GMDS: variants seen among roughly 807,000 people sequenced by gnomAD.
The protein encoded by GMDS is GDP-mannose 4,6-dehydratase.
GMDS carries 20 observed loss-of-function variants against 49.9 expected under a neutral mutation model. The observed-to-expected ratio is 0.40, with a 90% CI of 0.28 to 0.58. The LOEUF is 0.58. GMDS is among the 20% of genes least tolerant of loss of function. The pLI, the probability that GMDS is intolerant of heterozygous loss-of-function variation, is 0.42. For missense variants in GMDS, 362 were observed against 481.4 expected (o/e 0.75, Z 2.32); for synonymous variants, 177 against 178.6 (o/e 0.99, Z 0.07).
At chr6:2,187,347 C>A (rs1778822562) in intron 1 of GMDS, among the ~76,000 whole-genome samples, 1 of 152,206 alleles carries the variant, frequency 6.6e-6, no homozygotes, top group African/African-American at 2.4e-5. Context: ...AGCAAATGTT[C>A]ATATTTCTCT....
chr6:1,819,114 T>G (rs1430887948), intron 7 of GMDS, among the ~76,000 whole-genome samples: 1 of 152,034 alleles, frequency 6.6e-6, no homozygotes, highest in Non-Finnish European at 1.5e-5. Context: ...AGAACATGCC[T>G]TCCTATTCTA....
chr6:1,907,943 C>T (rs574686246), intron 7 of GMDS, among the ~76,000 whole-genome samples: 16 of 152,132 alleles, frequency 1.1e-4, no homozygotes, highest in Non-Finnish European at 2.1e-4. Context: ...TACATATCCA[C>T]GATAAATCGT....
At chr6:2,195,521 T>C (rs949980078) in intron 1 of GMDS, among the ~76,000 whole-genome samples, 3 of 152,202 alleles carry the variant, frequency 2.0e-5, no homozygotes, top group Non-Finnish European at 4.4e-5. Context: ...TTTATCCTAA[T>C]GTAAGTGGAA....
chr6:1,787,863 T>G (rs1330303688), intron 7 of GMDS, among the ~76,000 whole-genome samples: 1 of 152,186 alleles, frequency 6.6e-6, no homozygotes, highest in Non-Finnish European at 1.5e-5. Flanking sequence ...GGCAAATGCA[T>G]CATTTTTCAA....
chr6:1,818,310 A>G (rs779980726), intron 7 of GMDS, among the ~76,000 whole-genome samples: 7 of 152,036 alleles, frequency 4.6e-5, no homozygotes, highest in African/African-American at 9.7e-5. Flanking sequence ...TTTTCTAAAT[A>G]AAAGTTTTCT....
chr6:1,774,810 T>A (rs1768729224), intron 7 of GMDS, among the ~76,000 whole-genome samples: 1 of 152,150 alleles, frequency 6.6e-6, no homozygotes, highest in South Asian at 2.1e-4. Context: ...ATTGAATCAG[T>A]GTGGCATGTA....
chr6:2,011,962 G>T (rs1377322129), intron 4 of GMDS, among the ~76,000 whole-genome samples: 2 of 152,122 alleles, frequency 1.3e-5, no homozygotes, highest in African/African-American at 4.8e-5. Context: ...GTCTTTTCTA[G>T]CAATGTGTAT....
At chr6:2,145,731 A>G (rs903810084) in intron 1 of GMDS, among the ~76,000 whole-genome samples, 3 of 152,220 alleles carry the variant, frequency 2.0e-5, no homozygotes, top group Non-Finnish European at 2.9e-5. Flanking sequence ...ACTGTATTAT[A>G]TAAGTAATCT....
intron 4 of GMDS, among the ~76,000 whole-genome samples, chr6:2,069,289 C>T (rs529445160): frequency 2.1e-3 from 315 of 152,252 alleles, no homozygotes; most frequent in African/African-American, 7.4e-3. Flanking sequence ...AAGACTTAAA[C>T]GTTAGATCTA....
intron 4 of GMDS, among the ~76,000 whole-genome samples, chr6:1,989,360 A>G (rs977099204): frequency 6.6e-6 from 1 of 152,186 alleles, no homozygotes; most frequent in African/African-American, 2.4e-5. Context: ...CAGAACAGCT[A>G]GGCTGGTATG....
At chr6:1,831,961 A>G (rs982545126) in intron 7 of GMDS, among the ~76,000 whole-genome samples, 2 of 152,154 alleles carry the variant, frequency 1.3e-5, no homozygotes, top group Non-Finnish European at 2.9e-5. Context: ...TTTTAGAACA[A>G]AAAACCATAA....
intron 1 of GMDS, among the ~76,000 whole-genome samples, chr6:2,173,015 T>C (rs2127555957): frequency 6.6e-6 from 1 of 152,258 alleles, no homozygotes; most frequent in East Asian, 1.9e-4. Context: ...CTGTACACAA[T>C]GCCGTGTTCT....
chr6:2,014,399 G>C (rs1287454381), intron 4 of GMDS, among the ~76,000 whole-genome samples: 1 of 152,054 alleles, frequency 6.6e-6, no homozygotes, highest in Non-Finnish European at 1.5e-5. Context: ...ATATGGATAA[G>C]TGAAAAGAAG....
At position 1,849,594 on chromosome 6, in the gene GMDS, G is replaced by C. The variant is rs142715857; in HGVS notation, c.771+80509C>G. Among the ~76,000 whole-genome samples, 702 of 152,346 alleles carry C rather than the reference G, an allele frequency of 4.6e-3. 3 individuals carry two copies. Among genetic ancestry groups the C allele is most frequent in the African/African-American group, 0.016 (663 of 41,558 alleles). On this transcript the variant is annotated intron_variant, in intron 7 of 10. Coordinates refer to ENST00000380815, the MANE Select transcript of GMDS (RefSeq NM_001500.4). Reference sequence around the variant, plus strand: ...TTTGGGAATAACCTGTGAATACCCAGTAAATGTACTTAAGTTATGTGGAAT... The same window carrying C: ...TTTGGGAATAACCTGTGAATACCCACTAAATGTACTTAAGTTATGTGGAAT...
chr6:1,739,414 CTCTG>C (rs1398136034), intron 8 of GMDS, among the ~76,000 whole-genome samples: 111 of 152,362 alleles, frequency 7.3e-4, no homozygotes, highest in Middle Eastern at 3.4e-3. Context: ...CATGGGCTGT[CTCTG>C]TCTGTCTTGG....
At chr6:1,984,823 C>A (rs1342995777) in intron 4 of GMDS, among the ~76,000 whole-genome samples, 1 of 152,132 alleles carries the variant, frequency 6.6e-6, no homozygotes, top group Non-Finnish European at 1.5e-5. Flanking sequence ...ACTCTCTGTA[C>A]AGCAATGATG....
At chr6:1,916,691 G>A (rs778371853) in intron 7 of GMDS, among the ~76,000 whole-genome samples, 7 of 152,186 alleles carry the variant, frequency 4.6e-5, no homozygotes, top group Admixed American at 6.5e-5. Context: ...ACAATACCAC[G>A]CGCAATTAAA....
intron 4 of GMDS, among the ~76,000 whole-genome samples, chr6:1,962,393 CT>C (rs1342136813): frequency 1.2e-4 from 18 of 152,178 alleles, no homozygotes; most frequent in Non-Finnish European, 1.9e-4. Context: ...CATGTTTTCA[CT>C]TTGGTTGAGT....
In GMDS at chr6:1,997,236, A is replaced by G. The variant is rs116674927; in HGVS notation, c.346-36270T>C. 3.4e-3 allele frequency among the ~76,000 whole-genome samples: 512 copies of G among 152,198 alleles called. 2 individuals carry two copies. The highest frequency in any genetic ancestry group is 0.012 in the African/African-American group (482 of 41,544). The stretch of plus-strand genomic sequence containing the variant: ...TTGAGAAAGTGAAGACTGGCTGGGC[A>G]CGGTGGCTCATGCCTGTAATCACAG... On this transcript the variant is annotated intron_variant, in intron 4 of 10. Coordinates refer to ENST00000380815, the MANE Select transcript of GMDS (RefSeq NM_001500.4).
Sources: gnomAD v4.1 joint callset for allele counts (sites outside exome capture counted in the v4.1 genomes callset) on GRCh38, gnomAD v4.1.1 for gene constraint, MANE v1.5 for transcripts, NCBI Gene and HGNC (gene_info 2026-07-23, HGNC 2026-07-21) for gene names.